Variants in GCM1 observed in about 807,000 individuals in gnomAD.
The protein encoded by GCM1 is chorion-specific transcription factor GCMa.
In GCM1, 2 loss-of-function variants were observed where a neutral mutation model predicts 25.7. The ratio of observed to expected loss-of-function variants is 0.08; its 90% CI spans 0.03 to 0.24. The LOEUF (loss-of-function observed/expected upper bound fraction) is 0.24, where lower values mean the gene tolerates loss of function less well. GCM1 is among the 10% of genes least tolerant of loss of function. The pLI, the probability that GCM1 is intolerant of heterozygous loss-of-function variation, is 1.00. For synonymous variants in GCM1, 183 were observed against 195.7 expected (o/e 0.94, Z 0.54); for missense variants, 395 against 538.7 (o/e 0.73, Z 2.64).
rs1311443530 is a variant in GCM1, at chr6:53,127,478, T to C, written c.*728A>G. 6.6e-6 allele frequency: 1 copy of C among 152,256 alleles called. No individual in the cohort carries two copies. The highest frequency in any genetic ancestry group is 1.5e-5 in the Non-Finnish European group (1 of 68,046). 9.4% of individuals were successfully genotyped at this position (152,256 alleles called of 1,614,324 possible). On this transcript the variant is annotated 3_prime_UTR_variant, in exon 6 of 6. Coordinates refer to ENST00000259803, the MANE Select transcript of GCM1 (RefSeq NM_003643.4). Reference sequence around the variant, plus strand: ...TTCTTCCACCATCTATTTCTGTTTCTTCATTCTCAGTTCCCAAGAAGGCAT... The same window carrying C: ...TTCTTCCACCATCTATTTCTGTTTCCTCATTCTCAGTTCCCAAGAAGGCAT...
intron 5 of GCM1, among the ~76,000 whole-genome samples, chr6:53,129,666 A>T (rs953735025): frequency 6.6e-6 from 1 of 152,210 alleles, no homozygotes; most frequent in African/African-American, 2.4e-5. Context: ...CACAACTCCC[A>T]GGGTCTCTGT....
Position 53,127,307 on chromosome 6 carries a change from T to C in GCM1, c.*899A>G, listed in dbSNP as rs931853510. 1 of 152,200 alleles carries C rather than the reference T, an allele frequency of 6.6e-6. No individual in the cohort carries two copies. Among genetic ancestry groups the C allele is most frequent in the Admixed American group, 6.5e-5 (1 of 15,284 alleles). The allele number at this position is 152,200 out of a possible 1,614,324, so 9.4% of individuals were successfully genotyped here. Reference sequence around the variant, plus strand: ...TTAACATTGCTGTTCTTTGTCTTTATGAAAAATGGGGTTAGGTCAGGTTCC... The same window carrying C: ...TTAACATTGCTGTTCTTTGTCTTTACGAAAAATGGGGTTAGGTCAGGTTCC... On this transcript the variant is annotated 3_prime_UTR_variant, in exon 6 of 6. Transcript: ENST00000259803.
intron 5 of GCM1, among the ~76,000 whole-genome samples, chr6:53,130,092 A>G (rs1763703424): frequency 6.6e-6 from 1 of 152,144 alleles, no homozygotes; most frequent in Non-Finnish European, 1.5e-5. Context: ...GGGGGCTTGC[A>G]TTTCCCTACA....
chr6:53,144,792 A>G (rs1763929599), intron 2 of GCM1, among the ~76,000 whole-genome samples: 2 of 151,696 alleles, frequency 1.3e-5, no homozygotes, highest in Admixed American at 6.6e-5. Context: ...GCGTGTGCCT[A>G]TGGTCCCAGC....
At chr6:53,136,490 A>G (rs1346157820) in intron 2 of GCM1, among the ~76,000 whole-genome samples, 2 of 152,310 alleles carry the variant, frequency 1.3e-5, no homozygotes, top group Non-Finnish European at 2.9e-5. Flanking sequence ...CTAAATTAAC[A>G]TACACAATGC....
intron 1 of GCM1, among the ~76,000 whole-genome samples, 163 bp downstream of exon 1, chr6:53,148,591 A>G (rs1471219052): frequency 1.3e-5 from 2 of 152,190 alleles, no homozygotes; most frequent in East Asian, 1.9e-4. Flanking sequence ...GAAAAACTAC[A>G]CTTGTCAAGA....
rs1490242974 is a variant in GCM1 at position 53,132,025 on chromosome 6, T to G, written c.423A>C (p.Gly141=). 6.2e-7 allele frequency: 1 copy of G among 1,606,432 alleles called. No homozygotes were observed. Among genetic ancestry groups the G allele is most frequent in the African/African-American group, 1.3e-5 (1 of 74,736 alleles). Residue 141 remains glycine, a synonymous_variant, in exon 4 of 6, where the codon GGA becomes GGC. Transcript: ENST00000259803. ...ATCCAACCTGGAAAAATATAAAGCG[T>G]CCGTCGTGCCTCCAGAAGTTGGTGA... ...FPVTNFWRHD[G]RFIFFQSKGE...
chr6:53,144,614 A>G (rs2127510972), intron 2 of GCM1, among the ~76,000 whole-genome samples: 1 of 90,234 alleles, frequency 1.1e-5, no homozygotes, highest in East Asian at 3.2e-4. Context: ...CAACATAGCA[A>G]AGCCCTGACT....
intron 3 of GCM1, among the ~76,000 whole-genome samples, chr6:53,133,331 A>ATG (rs5876306): frequency 0.53 from 77,407 of 144,964 alleles, 20,129 homozygotes; most frequent in South Asian, 0.62. Flanking sequence ...CACCCGGCAA[A>ATG]TGTGTGTGTG....
At chr6:53,134,626 A>G (rs1388314176) in intron 2 of GCM1, among the ~76,000 whole-genome samples, 1 of 152,208 alleles carries the variant, frequency 6.6e-6, no homozygotes, top group Admixed American at 6.5e-5. Context: ...ACCATTTCTC[A>G]GTAGGAATTT....
At chr6:53,146,859 C>T (rs781085358) in intron 1 of GCM1, among the ~76,000 whole-genome samples, 1 of 151,934 alleles carries the variant, frequency 6.6e-6, no homozygotes, top group South Asian at 2.1e-4. Context: ...ATGCAGAAAC[C>T]GTGTTTATAC....
chr6:53,144,656 A>G (rs537793973), intron 2 of GCM1, among the ~76,000 whole-genome samples: 1 of 151,126 alleles, frequency 6.6e-6, no homozygotes. Flanking sequence ...TACAAAAATT[A>G]GCTGGGTGTG....
intron 2 of GCM1, among the ~76,000 whole-genome samples, chr6:53,143,252 A>T (rs760569249): frequency 6.6e-6 from 1 of 152,178 alleles, no homozygotes; most frequent in African/African-American, 2.4e-5. Context: ...ATTTTTTGCT[A>T]TACATTTCTC....
chr6:53,140,420 G>C (rs1581853896), intron 2 of GCM1, among the ~76,000 whole-genome samples: 1 of 149,294 alleles, frequency 6.7e-6, no homozygotes, highest in African/African-American at 2.5e-5. Context: ...CTTTTGCAGA[G>C]ACAAAGGAAG....
intron 3 of GCM1, among the ~76,000 whole-genome samples, chr6:53,133,169 T>A (rs1041482710): frequency 6.6e-6 from 1 of 152,172 alleles, no homozygotes; most frequent in African/African-American, 2.4e-5. Flanking sequence ...CCTGAAGGGA[T>A]ACATTTTTCC....
intron 1 of GCM1, among the ~76,000 whole-genome samples, chr6:53,147,534 T>C (rs1290518208): frequency 6.6e-6 from 1 of 151,568 alleles, no homozygotes; most frequent in East Asian, 1.9e-4. Flanking sequence ...GCTCCAGTGA[T>C]TCTTTTACCT....
intron 2 of GCM1, 142 bp downstream of exon 2, chr6:53,145,416 A>G: frequency 1.5e-6 from 1 of 669,262 alleles, no homozygotes; most frequent in Non-Finnish European, 2.7e-6. Context: ...AAAATCCCTC[A>G]GTCGGCTGTC....
intron 2 of GCM1, among the ~76,000 whole-genome samples, chr6:53,139,076 A>G (rs1022714630): frequency 5.3e-5 from 8 of 152,224 alleles, no homozygotes; most frequent in African/African-American, 1.9e-4. Context: ...GCTCTTGCAT[A>G]AAGTAAATAT....
chr6:53,145,828 G>T, intron 1 of GCM1, 60 bp from the exon 2 acceptor site: 1 of 490,754 alleles, frequency 2.0e-6, no homozygotes, highest in Non-Finnish European at 3.5e-6. Context: ...AAACCCCAAT[G>T]CTCCTCTGCC....
Sources: allele counts gnomAD v4.1 joint callset (sites outside exome capture counted in the v4.1 genomes callset), GRCh38; gene constraint gnomAD v4.1.1; transcripts MANE v1.5; gene names NCBI Gene and HGNC (gene_info 2026-07-23, HGNC 2026-07-21).